Variants in PTGER3 observed in about 807,000 individuals in gnomAD.
The protein encoded by PTGER3 is prostaglandin E receptor 3, also known as prostaglandin E2 receptor EP3 subtype.
A neutral mutation model predicts 34.7 loss-of-function variants in PTGER3; 22 were observed. The observed-to-expected ratio is 0.63, with a 90% CI of 0.45 to 0.91. The LOEUF is 0.91. Ranked by LOEUF, PTGER3 falls within the 40% of genes least tolerant of loss-of-function variation. The pLI, the probability that PTGER3 is intolerant of heterozygous loss-of-function variation, is 0.00. For synonymous variants in PTGER3, 241 were observed against 230.1 expected (o/e 1.05, Z -0.43); for missense variants, 468 against 519.4 (o/e 0.90, Z 0.96).
At chr1:71,027,205 C>G (rs10889903) in intron 1 of PTGER3, among the ~76,000 whole-genome samples, 4 of 150,038 alleles carry the variant, frequency 2.7e-5, no homozygotes, top group African/African-American at 9.8e-5. Flanking sequence ...TCTCTGTCAC[C>G]GAGGCTGGAG....
intron 4 of PTGER3, among the ~76,000 whole-genome samples, chr1:70,888,318 T>G (rs1403200446): frequency 6.6e-6 from 1 of 152,156 alleles, no homozygotes; most frequent in African/African-American, 2.4e-5. Flanking sequence ...AAAGAGAGGG[T>G]TAGGGAAGTT....
At chr1:71,045,217 T>G (rs1305808270) in intron 1 of PTGER3, among the ~76,000 whole-genome samples, 1 of 152,182 alleles carries the variant, frequency 6.6e-6, no homozygotes, top group East Asian at 1.9e-4. Context: ...CAAACCAGGT[T>G]AAAGAAATTA....
intron 4 of PTGER3, among the ~76,000 whole-genome samples, chr1:70,905,739 T>TGAAAA (rs2100361343): frequency 6.6e-6 from 1 of 152,270 alleles, no homozygotes; most frequent in South Asian, 2.1e-4. Context: ...ATTATCTCAT[T>TGAAAA]GTCTCAGATG....
At chr1:70,941,971 C>A (rs980207329) in intron 4 of PTGER3, among the ~76,000 whole-genome samples, 1 of 152,106 alleles carries the variant, frequency 6.6e-6, no homozygotes, top group Admixed American at 6.6e-5. Flanking sequence ...CTATGACTTA[C>A]AAGACTGTGA....
chr1:71,008,281 G>A (rs1051617335), intron 2 of PTGER3: 4 of 903,090 alleles, frequency 4.4e-6, no homozygotes, highest in Non-Finnish European at 1.3e-6. Context: ...TTTATTCTCA[G>A]TAAAGAAAAT....
chr1:71,018,422 T>C (rs1572944284), intron 1 of PTGER3, among the ~76,000 whole-genome samples: 1 of 152,298 alleles, frequency 6.6e-6, no homozygotes, highest in East Asian at 1.9e-4. Flanking sequence ...CTAAAAGTTA[T>C]AAAATTAATA....
At chr1:70,923,440 C>A (rs747911733) in intron 4 of PTGER3, among the ~76,000 whole-genome samples, 1 of 152,054 alleles carries the variant, frequency 6.6e-6, no homozygotes, top group Non-Finnish European at 1.5e-5. Context: ...CTGTTTTAAT[C>A]CTCTTTGGAA....
intron 4 of PTGER3, among the ~76,000 whole-genome samples, chr1:70,905,232 G>A (rs977052440): frequency 1.3e-5 from 2 of 152,078 alleles, no homozygotes; most frequent in African/African-American, 4.8e-5. Flanking sequence ...TTGCTGCAGG[G>A]GTGGGGCATT....
At chr1:70,920,107 AT>A (rs1647385152) in intron 4 of PTGER3, among the ~76,000 whole-genome samples, 1 of 152,138 alleles carries the variant, frequency 6.6e-6, no homozygotes, top group African/African-American at 2.4e-5. Flanking sequence ...AGTTGTCTCA[AT>A]TTGTCTGATA....
chr1:70,897,161 T>G (rs2068652), intron 4 of PTGER3, among the ~76,000 whole-genome samples: 7,343 of 152,146 alleles, frequency 0.048, 561 homozygotes, highest in South Asian at 0.21. Flanking sequence ...TCCTTTGTCC[T>G]CCCAGGCAAG....
At chr1:70,913,207 G>T (rs1467337602) in intron 4 of PTGER3, among the ~76,000 whole-genome samples, 1 of 151,540 alleles carries the variant, frequency 6.6e-6, no homozygotes, top group African/African-American at 2.4e-5. Flanking sequence ...ATTTTTTTGT[G>T]AATCTTTTAC....
At chr1:70,928,258 T>C (rs1648322246) in intron 4 of PTGER3, among the ~76,000 whole-genome samples, 1 of 150,506 alleles carries the variant, frequency 6.6e-6, no homozygotes, top group Non-Finnish European at 1.5e-5. Flanking sequence ...TACTGCCTTG[T>C]ATAGAAATTC....
intron 4 of PTGER3, among the ~76,000 whole-genome samples, chr1:70,869,888 A>G (rs960245253): frequency 6.6e-6 from 1 of 152,118 alleles, no homozygotes; most frequent in African/African-American, 2.4e-5. Context: ...CTGAGGGTGC[A>G]AAGTGCCAGT....
intron 4 of PTGER3, among the ~76,000 whole-genome samples, chr1:70,910,516 C>A (rs1005981335): frequency 7.2e-5 from 11 of 152,294 alleles, no homozygotes; most frequent in African/African-American, 2.4e-4. Flanking sequence ...TCAAGTGATT[C>A]TCTCACCTCA....
chr1:70,866,577 C>G (rs1315611839), intron 4 of PTGER3, among the ~76,000 whole-genome samples: 1 of 152,150 alleles, frequency 6.6e-6, no homozygotes, highest in African/African-American at 2.4e-5. Flanking sequence ...AGACTATGAG[C>G]TTTTCGATTG....
At chr1:71,043,105 T>C (rs1660457752) in intron 1 of PTGER3, among the ~76,000 whole-genome samples, 1 of 152,250 alleles carries the variant, frequency 6.6e-6, no homozygotes, top group Non-Finnish European at 1.5e-5. Flanking sequence ...GTTATTCCCA[T>C]TTCTGGAAAT....
At chr1:71,020,007 C>G (rs992855009) in intron 1 of PTGER3, among the ~76,000 whole-genome samples, 2 of 152,132 alleles carry the variant, frequency 1.3e-5, no homozygotes, top group Non-Finnish European at 2.9e-5. Flanking sequence ...GGAAATTCCC[C>G]CCTATAATTT....
chr1:70,996,639 T>TTATATTTATTTA (rs1553173495), intron 2 of PTGER3, among the ~76,000 whole-genome samples: 1 of 122,752 alleles, frequency 8.1e-6, no homozygotes, highest in Non-Finnish European at 1.7e-5. Context: ...TTTTTTGTAT[T>TTATATTTATTTA]TTTATTTATT....
chr1:70,891,218 G>A (rs1298016407), intron 4 of PTGER3, among the ~76,000 whole-genome samples: 5 of 152,182 alleles, frequency 3.3e-5, no homozygotes, highest in African/African-American at 1.2e-4. Context: ...TCCAGCAGCA[G>A]GGACTATCAG....
Sources: gnomAD v4.1 joint callset for allele counts (sites outside exome capture counted in the v4.1 genomes callset) on GRCh38, gnomAD v4.1.1 for gene constraint, MANE v1.5 for transcripts, NCBI Gene and HGNC (gene_info 2026-07-23, HGNC 2026-07-21) for gene names.